The following BDH1 variants were observed in gnomAD, a reference collection of about 807,000 sequenced individuals.
BDH1 encodes the protein D-beta-hydroxybutyrate dehydrogenase, mitochondrial.
BDH1 carries 30 observed loss-of-function variants against 33.1 expected under a neutral mutation model. The ratio of observed to expected loss-of-function variants is 0.91; its 90% CI spans 0.68 to 1.23. The LOEUF is 1.23. Ranked by LOEUF, BDH1 falls within the 50% of genes most tolerant of loss-of-function variation. BDH1 has a pLI of 0.00. For missense variants in BDH1, 443 were observed against 464.4 expected, an observed-to-expected ratio of 0.95 and a Z score of 0.42; for synonymous variants, 190 against 183.6, an observed-to-expected ratio of 1.03 and a Z score of -0.28.
chr3:197,527,973 A>C (rs932023223), intron 5 of BDH1, among the ~76,000 whole-genome samples: 1 of 151,606 alleles, frequency 6.6e-6, no homozygotes, highest in Non-Finnish European at 1.5e-5. Context: ...ATTTTTCTCT[A>C]CTGCTTTTAC....
chr3:197,572,362 G>T (rs1717636600), intron 1 of BDH1, among the ~76,000 whole-genome samples: 2 of 152,190 alleles, frequency 1.3e-5, no homozygotes, highest in Admixed American at 6.5e-5. Flanking sequence ...TAGATTAGAA[G>T]AAGTTAATCA....
chr3:197,551,501 C>G (rs527920118), intron 2 of BDH1, among the ~76,000 whole-genome samples: 92 of 152,102 alleles, frequency 6.0e-4, no homozygotes, highest in Middle Eastern at 3.2e-3. Context: ...GCTTCCAAAT[C>G]TTAGCTATTG....
chr3:197,517,343 C>G (rs184205201), intron 6 of BDH1, among the ~76,000 whole-genome samples: 18 of 102,438 alleles, frequency 1.8e-4, no homozygotes, highest in Middle Eastern at 4.6e-3. Flanking sequence ...TCCATCCCCC[C>G]CTCAGGCCGA....
intron 3 of BDH1, among the ~76,000 whole-genome samples, chr3:197,544,216 G>A (rs1237589996): frequency 6.6e-6 from 1 of 151,992 alleles, no homozygotes; most frequent in Non-Finnish European, 1.5e-5. Flanking sequence ...CCTCCACGCT[G>A]CCCATACCTT....
intron 3 of BDH1, chr3:197,538,985 C>T (rs978147494): frequency 1.3e-5 from 2 of 152,266 alleles, no homozygotes; most frequent in African/African-American, 4.8e-5. Flanking sequence ...TCATTGAAAC[C>T]ACCATTGCAA....
At position 197,554,616 on chromosome 3, in the gene BDH1, C is replaced by T. The variant is rs1314055992; in HGVS notation, c.-98G>A. On this transcript the variant is annotated 5_prime_UTR_variant, in exon 2 of 8. Transcript: ENST00000392379. This position sits in a 1 kb window ranked among gnomAD's most constrained non-coding sequence, Gnocchi z 4.4. The stretch of plus-strand genomic sequence containing the variant: ...TGTCAGCGCGAGGCCTGCAGGCGGC[C>T]CTCCATAGTGAAATATGTGCTTCTG... 2.0e-5 allele frequency: 3 copies of T among 152,234 alleles called. No homozygotes were observed. The highest frequency in any genetic ancestry group is 4.4e-5 in the Non-Finnish European group (3 of 68,062). 9.4% of individuals were successfully genotyped at this position (152,234 alleles called of 1,614,324 possible). A position where few individuals can be genotyped will look rare whatever the true frequency, so the allele number is the denominator to read the frequency against.
intron 3 of BDH1, among the ~76,000 whole-genome samples, chr3:197,538,014 C>G (rs970891338): frequency 3.3e-5 from 5 of 152,200 alleles, no homozygotes; most frequent in African/African-American, 1.2e-4. Context: ...GAACTCATCA[C>G]TGCACCATTT....
Position 197,523,411 on chromosome 3 carries a change from T to C in BDH1, c.268-630A>G, listed in dbSNP as rs986800493. Among the ~76,000 whole-genome samples, 6 of 152,144 alleles carry C rather than the reference T, an allele frequency of 3.9e-5. No homozygotes were observed. Among genetic ancestry groups the C allele is most frequent in the African/African-American group, 1.4e-4 (6 of 41,424 alleles). ...GGCTTTGTGCACTCAGGGGTGTCCC[T>C]GAACAGGGGTCCATTTTTTCTGGCT... is the stretch of plus-strand genomic sequence containing the variant. On this transcript the variant is annotated intron_variant, in intron 5 of 7. Coordinates refer to ENST00000392379, the MANE Select transcript of BDH1 (RefSeq NM_203314.3). The surrounding 1 kb of genome is among the most constrained non-coding windows in gnomAD (Gnocchi z 4.5).
chr3:197,554,879 C>A lies in BDH1; in HGVS notation c.-195-166G>T, dbSNP rs1221230380. 2.0e-5 allele frequency among the ~76,000 whole-genome samples: 3 copies of A among 152,258 alleles called. No individual in the cohort carries two copies. Among genetic ancestry groups the A allele is most frequent in the African/African-American group, 7.2e-5 (3 of 41,474 alleles). ...TCAAACCCACAGGGTATCTATCAGGCGCGCGTCAGCACGTAAGCAGAGCGC... is the reference window on the plus strand; with the variant it reads ...TCAAACCCACAGGGTATCTATCAGGAGCGCGTCAGCACGTAAGCAGAGCGC... On this transcript the variant is annotated intron_variant, in intron 1 of 7. Coordinates refer to ENST00000392379, the MANE Select transcript of BDH1 (RefSeq NM_203314.3). The surrounding 1 kb of genome is among the most constrained non-coding windows in gnomAD (Gnocchi z 4.4).
In BDH1 at chr3:197,525,745, C is replaced by A. The variant is rs987937866; in HGVS notation, c.268-2964G>T. On this transcript the variant is annotated intron_variant, in intron 5 of 7. Coordinates refer to ENST00000392379, the MANE Select transcript of BDH1 (RefSeq NM_203314.3). The surrounding 1 kb of genome is among the most constrained non-coding windows in gnomAD (Gnocchi z 4.9). ...AATCTTTCCAACCACCCTCAGCCTGCTGGCTGCAGACTCTGGTGGCCTGTC... is the reference window on the plus strand; with the variant it reads ...AATCTTTCCAACCACCCTCAGCCTGATGGCTGCAGACTCTGGTGGCCTGTC... Among the ~76,000 whole-genome samples, 7 of 152,258 alleles carry A rather than the reference C, an allele frequency of 4.6e-5. No individual in the cohort carries two copies. The highest frequency in any genetic ancestry group is 6.5e-5 in the Admixed American group (1 of 15,286).
chr3:197,549,182 G>C (rs977517950), intron 2 of BDH1, among the ~76,000 whole-genome samples: 5 of 152,128 alleles, frequency 3.3e-5, no homozygotes, highest in African/African-American at 1.2e-4. Context: ...TGAGCACAGG[G>C]GGCTTGACTC....
chr3:197,556,524 A>C (rs949157142), upstream of BDH1, among the ~76,000 whole-genome samples: 5 of 151,770 alleles, frequency 3.3e-5, no homozygotes, highest in Non-Finnish European at 5.9e-5. Flanking sequence ...AAAAGTTAGC[A>C]GGGCGCGGTG....
chr3:197,565,123 T>C (rs1358407711), intron 1 of BDH1, among the ~76,000 whole-genome samples: 1 of 152,182 alleles, frequency 6.6e-6, no homozygotes, highest in Non-Finnish European at 1.5e-5. Flanking sequence ...GGTTTCTCCA[T>C]GTTGGTCAGG....
chr3:197,540,204 C>T (rs1173117699), intron 3 of BDH1, among the ~76,000 whole-genome samples: 1 of 151,904 alleles, frequency 6.6e-6, no homozygotes, highest in Non-Finnish European at 1.5e-5. Context: ...TAGGCATGTT[C>T]CACCACGCCC....
chr3:197,572,341 G>A (rs111741661), intron 1 of BDH1, among the ~76,000 whole-genome samples: 14,830 of 152,202 alleles, frequency 0.097, 985 homozygotes, highest in Middle Eastern at 0.15. Flanking sequence ...TCAGGACTCA[G>A]ATCTTAGTTA....
chr3:197,535,277 G>A (rs1221553951), intron 3 of BDH1, among the ~76,000 whole-genome samples: 2 of 152,146 alleles, frequency 1.3e-5, no homozygotes, highest in Admixed American at 6.5e-5. Flanking sequence ...CTTCTACCCC[G>A]TTGAATGTTG....
At chr3:197,546,853 C>T (rs959380430) in intron 2 of BDH1, among the ~76,000 whole-genome samples, 5 of 152,188 alleles carry the variant, frequency 3.3e-5, no homozygotes, top group African/African-American at 7.2e-5. Flanking sequence ...GATTCTGACT[C>T]GGTAAGTCCT....
Position 197,522,653 on chromosome 3 carries a change from C to T in BDH1, c.396G>A (p.Lys132=). The T allele has an allele frequency of 6.2e-7, 1 of 1,614,198 alleles. No individual in the cohort carries two copies. Among genetic ancestry groups the T allele is most frequent in the Middle Eastern group, 1.7e-4 (1 of 6,060 alleles). ...GGGGCGCCCTACCTTTCTCAGGGTC[C>T]TTCAGGCTCGAGCGGACAATCTCCA... The part of the protein sequence containing the change: ...KVVEIVRSSL[K]DPEKGMWGLV... The change falls in exon 6 of 8, where the codon AAG becomes AAA. Residue 132 remains lysine (K), a synonymous_variant. Transcript: ENST00000392379. The surrounding 1 kb of genome is among the most constrained non-coding windows in gnomAD (Gnocchi z 4.8).
rs1461846440 is a variant in BDH1 at position 197,554,662 on chromosome 3, T to C, written c.-144A>G. 6.6e-6 allele frequency: 1 copy of C among 151,714 alleles called. No homozygotes were observed. The highest frequency in any genetic ancestry group is 2.4e-5 in the African/African-American group (1 of 41,268). The allele number at this position is 151,714 out of a possible 1,614,324, so 9.4% of individuals were successfully genotyped here. On this transcript the variant is annotated 5_prime_UTR_variant, in exon 2 of 8. Transcript: ENST00000392379. The surrounding 1 kb of genome is among the most constrained non-coding windows in gnomAD (Gnocchi z 4.4). Reference sequence around the variant, plus strand: ...TTCTGCAACCCCTCAAAGTAGGAACTGCAGGGTGACTCTGCATCAGCTGAC... The same window carrying C: ...TTCTGCAACCCCTCAAAGTAGGAACCGCAGGGTGACTCTGCATCAGCTGAC...
Sources: gnomAD v4.1 joint callset for allele counts (sites outside exome capture counted in the v4.1 genomes callset) on GRCh38, gnomAD v4.1.1 for gene constraint, Gnocchi (gnomAD v3.1) non-coding constraint, MANE v1.5 for transcripts, NCBI Gene and HGNC (gene_info 2026-07-23, HGNC 2026-07-21) for gene names.